PROSER2: variants seen among roughly 807,000 people sequenced by gnomAD.
PROSER2 encodes proline and serine rich 2.
In PROSER2, 18 loss-of-function variants were observed where a neutral mutation model predicts 14.6. That is an observed-to-expected ratio of 1.23 (90% CI 0.85 to 1.83). PROSER2 has a LOEUF of 1.83. Among genes scored for constraint, PROSER2 ranks in the 40% most tolerant of loss-of-function variants. PROSER2 has a pLI of 0.00. For synonymous variants in PROSER2, 367 were observed against 286.4 expected (o/e 1.28, Z -2.84); for missense variants, 823 against 629.8 (o/e 1.31, Z -3.28).
chr10:11,857,480 C>T (rs1325318322), intron 2 of PROSER2: 1 of 152,162 alleles, frequency 6.6e-6, no homozygotes, highest in African/African-American at 2.4e-5. Context: ...GTGGCTCACG[C>T]CTGTCTGTCA....
intron 1 of PROSER2, among the ~76,000 whole-genome samples, chr10:11,833,364 G>A (rs1178447864): frequency 6.7e-6 from 1 of 149,330 alleles, no homozygotes; most frequent in Non-Finnish European, 1.5e-5. Flanking sequence ...GTGATGTAAT[G>A]AGACCCCATC....
chr10:11,871,259 C>T lies in PROSER2; in HGVS notation c.*853C>T, dbSNP rs1051105379. 13 of 152,222 alleles carry T rather than the reference C, an allele frequency of 8.5e-5. No homozygotes were observed. The highest frequency in any genetic ancestry group is 1.8e-4 in the Non-Finnish European group (12 of 68,038). The allele number at this position is 152,222 out of a possible 1,614,324, so 9.4% of individuals were successfully genotyped here. On this transcript the variant is annotated 3_prime_UTR_variant, in exon 4 of 4. Transcript: ENST00000277570. Reference sequence around the variant, plus strand: ...TCCTATTCTTGGGTAGACAGAGCCACCTCAGCATCCTGATGGATGATACAA... The same window carrying T: ...TCCTATTCTTGGGTAGACAGAGCCATCTCAGCATCCTGATGGATGATACAA...
intron 1 of PROSER2, among the ~76,000 whole-genome samples, chr10:11,825,161 T>C (rs940145242): frequency 1.3e-5 from 2 of 152,148 alleles, no homozygotes; most frequent in African/African-American, 4.8e-5. Context: ...GAAGATCATC[T>C]CAGATAACTC....
intron 1 of PROSER2, among the ~76,000 whole-genome samples, chr10:11,839,761 G>C (rs1588486402): frequency 6.7e-6 from 1 of 149,210 alleles, no homozygotes; most frequent in Admixed American, 6.7e-5. Flanking sequence ...GGAGGCAGAG[G>C]TTGCAGTGAG....
intron 1 of PROSER2, among the ~76,000 whole-genome samples, chr10:11,840,939 AAAAAAAAAAAAAAAAAATATAT>A (rs1246499460): frequency 4.0e-4 from 26 of 65,500 alleles, no homozygotes; most frequent in South Asian, 2.5e-3. Flanking sequence ...AAAAAAAAAA[AAAAAAAAAAAAAAAAAATATAT>A]ATATATATAT....
At chr10:11,849,734 G>A (rs772993758) in intron 1 of PROSER2, 5 of 152,348 alleles carry the variant, frequency 3.3e-5, no homozygotes, top group African/African-American at 4.8e-5. Flanking sequence ...CAGAAGTGTA[G>A]AGAAGAGGGA....
At position 11,823,671 on chromosome 10, in the gene PROSER2, C is replaced by A. The variant is rs527239971; in HGVS notation, c.-82+201C>A. Reference sequence around the variant, plus strand: ...AGGCCACCCGGTGCCCGACCCCCGACCCCGGGGCGTCGCTGCCTCCTCGGG... The same window carrying A: ...AGGCCACCCGGTGCCCGACCCCCGAACCCGGGGCGTCGCTGCCTCCTCGGG... On this transcript the variant is annotated intron_variant, in intron 1 of 3. Coordinates refer to ENST00000277570, the MANE Select transcript of PROSER2 (RefSeq NM_153256.4). This position sits in a 1 kb window ranked among gnomAD's most constrained non-coding sequence, Gnocchi z 6.2. Among the ~76,000 whole-genome samples the A allele has an allele frequency of 1.3e-5, 2 of 152,100 alleles. No individual in the cohort carries two copies. The highest frequency in any genetic ancestry group is 4.8e-5 in the African/African-American group (2 of 41,444).
intron 1 of PROSER2, among the ~76,000 whole-genome samples, chr10:11,840,955 A>AAAAATATATATAT (rs1833836460): frequency 5.3e-5 from 1 of 18,888 alleles, no homozygotes; most frequent in African/African-American, 2.1e-4. Context: ...AAAAAAAAAA[A>AAAAATATATATAT]ATATATATAT....
rs544941146 is a variant in PROSER2 at position 11,824,853 on chromosome 10, G to T, written c.-82+1383G>T. Among the ~76,000 whole-genome samples the T allele has an allele frequency of 3.1e-3, 477 of 152,302 alleles. 5 individuals are homozygous for T. Among genetic ancestry groups the T allele is most frequent in the African/African-American group, 0.011 (463 of 41,556 alleles). On this transcript the variant is annotated intron_variant, in intron 1 of 3. Transcript: ENST00000277570. ...ATTAGAGTGATATAGTGGAGCGAAG[G>T]CTGGAAAGAGGAGCGATGCTTTTAG...
In PROSER2 at chr10:11,870,420, T is replaced by C. The variant is rs1425014012; in HGVS notation, c.*14T>C. 2.0e-6 allele frequency: 3 copies of C among 1,469,978 alleles called. No individual in the cohort carries two copies. Among genetic ancestry groups the C allele is most frequent in the Admixed American group, 2.7e-5 (1 of 36,392 alleles). 91.1% of individuals were successfully genotyped at this position (1,469,978 alleles called of 1,614,324 possible). ...GAGAGTTCGTGAGGGCCGCGCGGGC[T>C]CCAGTCCACCCCGTTTCTCCCCACC... On this transcript the variant is annotated 3_prime_UTR_variant, in exon 4 of 4. Coordinates refer to ENST00000277570, the MANE Select transcript of PROSER2 (RefSeq NM_153256.4).
rs548528806 is a variant in PROSER2, at chr10:11,869,684, G to C, written c.586G>C (p.Val196Leu). Residue 196 changes from valine (V) to leucine (L), a missense_variant, in exon 4 of 4, where the codon GTT becomes CTT. Physicochemically the swap from Val to Leu is conservative, Grantham distance 32. Coordinates refer to ENST00000277570, the MANE Select transcript of PROSER2 (RefSeq NM_153256.4). This position sits in a 1 kb window ranked among gnomAD's most constrained non-coding sequence, Gnocchi z 4.4. ...RLLRSVPTPL[V>L]MAQKISERMA... Reference sequence around the variant, plus strand: ...CCTGCGCTCTGTTCCCACGCCCCTCGTTATGGCGCAGAAGATTTCCGAGAG... The same window carrying C: ...CCTGCGCTCTGTTCCCACGCCCCTCCTTATGGCGCAGAAGATTTCCGAGAG... 6.3e-7 allele frequency: 1 copy of C among 1,598,336 alleles called. No individual in the cohort carries two copies. Among genetic ancestry groups the C allele is most frequent in the East Asian group, 2.3e-5 (1 of 43,846 alleles).
At chr10:11,825,393 G>A (rs1348299548) in intron 1 of PROSER2, among the ~76,000 whole-genome samples, 1 of 152,182 alleles carries the variant, frequency 6.6e-6, no homozygotes, top group Non-Finnish European at 1.5e-5. Flanking sequence ...GGCCATCGTT[G>A]CGTTTCACTT....
chr10:11,847,600 G>A (rs1371360650), intron 1 of PROSER2, among the ~76,000 whole-genome samples: 1 of 152,098 alleles, frequency 6.6e-6, no homozygotes, highest in African/African-American at 2.4e-5. Context: ...TGTGTTTTCA[G>A]TAGAGATGGG....
At chr10:11,828,559 T>C (rs1833646555) in intron 1 of PROSER2, among the ~76,000 whole-genome samples, 1 of 151,882 alleles carries the variant, frequency 6.6e-6, no homozygotes, top group African/African-American at 2.4e-5. Context: ...AAAAATTAGC[T>C]TGGCATGGTG....
chr10:11,838,283 T>G lies in PROSER2; in HGVS notation c.-81-13714T>G, dbSNP rs1224799841. 1.3e-5 allele frequency among the ~76,000 whole-genome samples: 2 copies of G among 152,212 alleles called. No individual in the cohort carries two copies. The highest frequency in any genetic ancestry group is 2.9e-5 in the Non-Finnish European group (2 of 68,044). On this transcript the variant is annotated intron_variant, in intron 1 of 3. Transcript: ENST00000277570. This position sits in a 1 kb window ranked among gnomAD's most constrained non-coding sequence, Gnocchi z 4.4. Reference sequence around the variant, plus strand: ...GGTTTTAAATGTACATGAATAGAATTGCACTAAGAATCTAACTCTGACTTT... The same window carrying G: ...GGTTTTAAATGTACATGAATAGAATGGCACTAAGAATCTAACTCTGACTTT...
Position 11,852,600 on chromosome 10 carries a change from A to G in PROSER2, c.138+385A>G, listed in dbSNP as rs190373073. Among the ~76,000 whole-genome samples the G allele has an allele frequency of 1.7e-4, 26 of 150,718 alleles. No individual in the cohort carries two copies. In the South Asian group the frequency reaches 2.1e-3, roughly 12 times the overall value. ...AGTGGCGCGATCTTGGCTCACTGCA[A>G]CCTCCGCCTCCCAACTTCAAGCAGT... On this transcript the variant is annotated intron_variant, in intron 2 of 3. Coordinates refer to ENST00000277570, the MANE Select transcript of PROSER2 (RefSeq NM_153256.4).
At position 11,844,748 on chromosome 10, in the gene PROSER2, A is replaced by G. The variant is rs1419111726; in HGVS notation, c.-81-7249A>G. Among the ~76,000 whole-genome samples the G allele has an allele frequency of 4.6e-5, 7 of 152,240 alleles. No homozygotes were observed. The South Asian group carries it at 1.5e-3, about 32-fold the overall frequency. On this transcript the variant is annotated intron_variant, in intron 1 of 3. Coordinates refer to ENST00000277570, the MANE Select transcript of PROSER2 (RefSeq NM_153256.4). ...GCGATTCTCCCACCCTAGTCTCTCG[A>G]GTAGCTGGGATTACCGGCATGAGCT...
intron 2 of PROSER2, among the ~76,000 whole-genome samples, chr10:11,861,267 T>C (rs1387666554): frequency 6.6e-6 from 1 of 152,200 alleles, no homozygotes; most frequent in East Asian, 1.9e-4. Flanking sequence ...TCTGAAGTTT[T>C]TCCTGCACAG....
At chr10:11,860,291 C>T (rs1051690477) in intron 2 of PROSER2, among the ~76,000 whole-genome samples, 43 of 152,124 alleles carry the variant, frequency 2.8e-4, no homozygotes, top group African/African-American at 9.9e-4. Context: ...CTTCCAGGAC[C>T]TGGGAAGCTG....
Sources: allele counts gnomAD v4.1 joint callset (sites outside exome capture counted in the v4.1 genomes callset), GRCh38; gene constraint gnomAD v4.1.1; non-coding constraint Gnocchi (gnomAD v3.1); transcripts MANE v1.5; gene names NCBI Gene and HGNC (gene_info 2026-07-23, HGNC 2026-07-21).